GRM3: variants seen among roughly 807,000 people sequenced by gnomAD.
GRM3 encodes the protein glutamate metabotropic receptor 3, also known as metabotropic glutamate receptor 3.
In GRM3, 26 loss-of-function variants were observed where a neutral mutation model predicts 70.5. The observed-to-expected ratio is 0.37, with a 90% CI of 0.27 to 0.51. GRM3 has a LOEUF of 0.51. Among genes scored for constraint, GRM3 ranks in the 20% least tolerant of loss-of-function variants. The pLI, the probability that GRM3 is intolerant of heterozygous loss-of-function variation, is 0.93. For synonymous variants in GRM3, 443 were observed against 434.9 expected (o/e 1.02, Z -0.23); for missense variants, 859 against 1,123.8 (o/e 0.76, Z 3.37).
chr7:86,838,796 C>G, intron 3 of GRM3, 43 bp from the exon 4 acceptor site: 1 of 1,156,026 alleles, frequency 8.7e-7, no homozygotes, highest in East Asian at 2.4e-5. Context: ...CGTAAGACAC[C>G]TAAACAAGTG....
At chr7:86,745,452 A>T (rs1030917613) in intron 1 of GRM3, among the ~76,000 whole-genome samples, 2 of 152,132 alleles carry the variant, frequency 1.3e-5, no homozygotes, top group African/African-American at 2.4e-5. Context: ...TGGGAAGATG[A>T]AAACAATATA....
At chr7:86,708,419 A>G (rs1455856311) in intron 1 of GRM3, among the ~76,000 whole-genome samples, 1 of 152,190 alleles carries the variant, frequency 6.6e-6, no homozygotes, top group Non-Finnish European at 1.5e-5. Flanking sequence ...AGCAGCAGGG[A>G]ATTTTATCCA....
chr7:86,745,031 T>C (rs927917602), intron 1 of GRM3, among the ~76,000 whole-genome samples: 1 of 152,064 alleles, frequency 6.6e-6, no homozygotes, highest in Non-Finnish European at 1.5e-5. Flanking sequence ...TGATTTATGA[T>C]GTGGAACAAA....
intron 1 of GRM3, among the ~76,000 whole-genome samples, chr7:86,695,905 A>T (rs925388140): frequency 6.6e-6 from 1 of 152,170 alleles, no homozygotes; most frequent in Non-Finnish European, 1.5e-5. Context: ...ATCACTCATG[A>T]TGAATAAAAC....
At chr7:86,706,200 C>A (rs1584181045) in intron 1 of GRM3, among the ~76,000 whole-genome samples, 1 of 151,968 alleles carries the variant, frequency 6.6e-6, no homozygotes, top group East Asian at 1.9e-4. Flanking sequence ...ATTCCTTTAG[C>A]CCTGAAGGTC....
intron 1 of GRM3, among the ~76,000 whole-genome samples, chr7:86,722,142 C>A (rs1188298292): frequency 6.6e-6 from 1 of 152,062 alleles, no homozygotes; most frequent in East Asian, 1.9e-4. Context: ...GATTCCCAGA[C>A]CCTTCCCCTT....
At chr7:86,800,452 G>T (rs1797656251) in intron 3 of GRM3, among the ~76,000 whole-genome samples, 1 of 152,036 alleles carries the variant, frequency 6.6e-6, no homozygotes, top group Non-Finnish European at 1.5e-5. Context: ...AAATGATAAA[G>T]GGATATCGCC....
chr7:86,856,558 A>G (rs1798851327), intron 5 of GRM3, among the ~76,000 whole-genome samples: 2 of 152,106 alleles, frequency 1.3e-5, no homozygotes, highest in Admixed American at 1.3e-4. Flanking sequence ...ACTTTTACCT[A>G]TGTAACACAC....
chr7:86,661,440 A>G (rs919642810), intron 1 of GRM3, among the ~76,000 whole-genome samples: 8 of 151,898 alleles, frequency 5.3e-5, no homozygotes, highest in Non-Finnish European at 8.8e-5. Context: ...GGATCTGTCA[A>G]TCTGTAGCTA....
chr7:86,785,685 ATTTTTTTTTTTTTTTTTT>A (rs749456155), intron 2 of GRM3, among the ~76,000 whole-genome samples: 2 of 65,192 alleles, frequency 3.1e-5, no homozygotes, highest in Admixed American at 2.4e-4. Flanking sequence ...AATAGAATTG[ATTTTTTTTTTTTTTTTTT>A]TTTTTTTTTT....
Position 86,864,696 on chromosome 7 carries a change from A to G in GRM3, c.*341A>G, listed in dbSNP as rs1799031137. On this transcript the variant is annotated 3_prime_UTR_variant, in exon 6 of 6. Coordinates refer to ENST00000361669, the MANE Select transcript of GRM3 (RefSeq NM_000840.3). ...AAAAAAATAAAAATACGGTGGCAAT[A>G]TTATGTAACCTTTTTTCCTATGAAG... 5.4e-6 allele frequency: 1 copy of G among 185,144 alleles called. No homozygotes were observed. The highest frequency in any genetic ancestry group is 1.7e-4 in the South Asian group (1 of 5,724). 11.5% of individuals were successfully genotyped at this position (185,144 alleles called of 1,614,324 possible).
intron 4 of GRM3, among the ~76,000 whole-genome samples, chr7:86,847,223 G>A (rs1443688546): frequency 6.6e-6 from 1 of 152,150 alleles, no homozygotes; most frequent in Non-Finnish European, 1.5e-5. Context: ...CTGGAACAAA[G>A]GCAGTCAGAG....
intron 5 of GRM3, among the ~76,000 whole-genome samples, chr7:86,855,451 G>GT (rs1412494033): frequency 2.6e-5 from 4 of 152,148 alleles, no homozygotes; most frequent in Non-Finnish European, 4.4e-5. Context: ...TTGTTCAGAT[G>GT]TATGTATGTC....
intron 1 of GRM3, among the ~76,000 whole-genome samples, chr7:86,698,966 T>C (rs2116082528): frequency 6.6e-6 from 1 of 152,190 alleles, no homozygotes; most frequent in East Asian, 1.9e-4. Flanking sequence ...ATTGATGCTA[T>C]ACTCCAGAGG....
Position 86,786,847 on chromosome 7 carries a change from G to A in GRM3, c.1055G>A (p.Arg352Gln), listed in dbSNP as rs778170260. 1.8e-5 allele frequency: 29 copies of A among 1,614,084 alleles called. No individual in the cohort carries two copies. The highest frequency in any genetic ancestry group is 2.1e-5 in the Non-Finnish European group (25 of 1,180,038). Residue 352 changes from arginine to glutamine, a missense_variant, in exon 3 of 6, where the codon CGG (arginine) becomes CAG (glutamine). Coordinates refer to ENST00000361669, the MANE Select transcript of GRM3 (RefSeq NM_000840.3). This position sits in a 1 kb window ranked among gnomAD's most constrained non-coding sequence, Gnocchi z 6.0. ...PYNNHRNPWFRDFWEQKFQCS... is the reference protein window; with the variant it reads ...PYNNHRNPWFQDFWEQKFQCS... The stretch of plus-strand genomic sequence containing the variant: ...AACAACCACCGCAACCCCTGGTTCC[G>A]GGACTTCTGGGAGCAAAAGTTTCAG...
At chr7:86,833,110 C>T in intron 3 of GRM3, 1 of 980,852 alleles carries the variant, frequency 1.0e-6, no homozygotes, top group African/African-American at 1.7e-5. Context: ...CATGGTGAGA[C>T]TTAACTTGAG....
chr7:86,852,375 T>C (rs1562882817), intron 5 of GRM3, among the ~76,000 whole-genome samples: 1 of 152,210 alleles, frequency 6.6e-6, no homozygotes, highest in Non-Finnish European at 1.5e-5. Flanking sequence ...CTAATGCATA[T>C]GCTGGGAATT....
rs118097902 is a variant in GRM3, at chr7:86,773,976, A to G, written c.468+8363A>G. Among the ~76,000 whole-genome samples the G allele has an allele frequency of 7.4e-4, 113 of 152,250 alleles. 3 individuals carry two copies. In the East Asian group the frequency reaches 0.019, roughly 26 times the overall value. On this transcript the variant is annotated intron_variant, in intron 2 of 5. Transcript: ENST00000361669. The stretch of plus-strand genomic sequence containing the variant: ...GGCTTACACTGCAGGTCAGGTGTCT[A>G]TGATGGAGGTCACGCGATAAAAAGC...
Position 86,864,530 on chromosome 7 carries a change from G to A in GRM3, c.*175G>A. ...GTGATGTGCTAGAACTTTCTAGGCT[G>A]AGTCTAGTGCCCCTATTATTAACAA... On this transcript the variant is annotated 3_prime_UTR_variant, in exon 6 of 6. Transcript: ENST00000361669. 1.8e-6 allele frequency: 1 copy of A among 561,110 alleles called. No homozygotes were observed. Among genetic ancestry groups the A allele is most frequent in the South Asian group, 2.2e-5 (1 of 45,640 alleles). 34.8% of individuals were successfully genotyped at this position (561,110 alleles called of 1,614,324 possible).
Sources: gnomAD v4.1 joint callset for allele counts (sites outside exome capture counted in the v4.1 genomes callset) on GRCh38, gnomAD v4.1.1 for gene constraint, Gnocchi (gnomAD v3.1) non-coding constraint, MANE v1.5 for transcripts, NCBI Gene and HGNC (gene_info 2026-07-23, HGNC 2026-07-21) for gene names.